Variants in TLK1 observed in about 807,000 individuals in gnomAD.
TLK1 encodes serine/threonine-protein kinase tousled-like 1.
In TLK1, 24 loss-of-function variants were observed where a neutral mutation model predicts 105.3. That is an observed-to-expected ratio of 0.23 (90% confidence interval 0.17 to 0.32). The LOEUF (loss-of-function observed/expected upper bound fraction) is 0.32, where lower values mean the gene tolerates loss of function less well. TLK1 is among the 10% of genes least tolerant of loss of function. The pLI is 1.00. For synonymous variants in TLK1, 321 were observed against 310.4 expected, an observed-to-expected ratio of 1.03 and a Z score of -0.36; for missense variants, 558 against 910.5, an observed-to-expected ratio of 0.61 and a Z score of 4.98.
intron 11 of TLK1, among the ~76,000 whole-genome samples, chr2:171,028,726 T>G (rs1467698287): frequency 6.6e-6 from 1 of 152,234 alleles, no homozygotes; most frequent in Non-Finnish European, 1.5e-5. Flanking sequence ...TATCAAGTGA[T>G]GTTCTAGAAT....
intron 1 of TLK1, among the ~76,000 whole-genome samples, chr2:171,220,204 G>C (rs1285989839): frequency 6.6e-6 from 1 of 152,102 alleles, no homozygotes; most frequent in Non-Finnish European, 1.5e-5. Flanking sequence ...AACATTTACA[G>C]GTTCTGGGAA....
chr2:171,015,545 G>A (rs1210584061), intron 12 of TLK1, among the ~76,000 whole-genome samples: 1 of 151,076 alleles, frequency 6.6e-6, no homozygotes, highest in Non-Finnish European at 1.5e-5. Context: ...AGGTATCAGA[G>A]CAGATGTAAA....
chr2:171,134,583 T>C (rs907430649), intron 1 of TLK1, among the ~76,000 whole-genome samples: 2 of 152,114 alleles, frequency 1.3e-5, no homozygotes, highest in East Asian at 1.9e-4. Context: ...GAAATCATTA[T>C]GTTAAGGAGA....
intron 1 of TLK1, among the ~76,000 whole-genome samples, chr2:171,230,346 G>A (rs556095425): frequency 1.3e-5 from 2 of 152,260 alleles, no homozygotes; most frequent in Non-Finnish European, 2.9e-5. Flanking sequence ...CATCCCTGCT[G>A]TCCCCAAAGA....
chr2:171,116,860 A>T (rs1381700120), intron 2 of TLK1, among the ~76,000 whole-genome samples: 3 of 152,220 alleles, frequency 2.0e-5, no homozygotes, highest in African/African-American at 7.2e-5. Context: ...GATTAGTACA[A>T]CTGTTCTGAA....
chr2:171,144,682 A>G (rs1691720875), intron 1 of TLK1, among the ~76,000 whole-genome samples: 1 of 152,192 alleles, frequency 6.6e-6, no homozygotes, highest in Non-Finnish European at 1.5e-5. Context: ...TTAGAGGGAA[A>G]TTTACAGCTA....
chr2:171,076,426 G>A (rs1328906770), intron 3 of TLK1, among the ~76,000 whole-genome samples: 2 of 151,856 alleles, frequency 1.3e-5, no homozygotes, highest in African/African-American at 2.4e-5. Flanking sequence ...CCATGCTCTT[G>A]GACTTCCTAG....
chr2:171,037,313 T>C (rs1394456119), intron 11 of TLK1, among the ~76,000 whole-genome samples: 2 of 151,740 alleles, frequency 1.3e-5, no homozygotes, highest in African/African-American at 4.8e-5. Flanking sequence ...TAGTGGCGCA[T>C]GGCTGTAGTC....
chr2:171,083,974 A>G (rs1291452667), intron 2 of TLK1, among the ~76,000 whole-genome samples: 1 of 152,200 alleles, frequency 6.6e-6, no homozygotes, highest in East Asian at 1.9e-4. Flanking sequence ...GTGTTTGAGC[A>G]TCTGTAAATA....
At chr2:171,069,741 C>T (rs1374248017) in intron 3 of TLK1, among the ~76,000 whole-genome samples, 1 of 152,160 alleles carries the variant, frequency 6.6e-6, no homozygotes, top group African/African-American at 2.4e-5. Context: ...TTACCAGAGG[C>T]TATATGACAT....
At chr2:171,067,076 A>G in intron 3 of TLK1, 1 of 1,176,450 alleles carries the variant, frequency 8.5e-7, no homozygotes, top group South Asian at 1.8e-5. Context: ...TCCTTTGAAC[A>G]CGAATCCCTA....
chr2:171,039,083 T>C (rs1481973233), intron 11 of TLK1, among the ~76,000 whole-genome samples: 2 of 152,170 alleles, frequency 1.3e-5, no homozygotes, highest in African/African-American at 4.8e-5. Flanking sequence ...TAATAATTTT[T>C]TTTGTCTTAA....
At chr2:171,006,744 G>A in intron 16 of TLK1, 56 bp downstream of exon 16, 9 of 1,591,392 alleles carry the variant, frequency 5.7e-6, no homozygotes, top group Non-Finnish European at 7.8e-6. Flanking sequence ...CACAGGATGG[G>A]GAAAGAGAAA....
intron 3 of TLK1, among the ~76,000 whole-genome samples, chr2:171,064,394 T>TA (rs1259599128): frequency 2.6e-5 from 4 of 151,964 alleles, no homozygotes; most frequent in African/African-American, 7.3e-5. Flanking sequence ...CGACAGCTTT[T>TA]AAAAAAAACT....
chr2:171,081,604 T>C (rs1031364405), intron 3 of TLK1: 21 of 1,276,566 alleles, frequency 1.6e-5, no homozygotes, highest in Non-Finnish European at 2.2e-5. Context: ...AAAACTAAAC[T>C]GATAATCTGA....
chr2:171,047,922 G>A (rs189696982), intron 10 of TLK1, among the ~76,000 whole-genome samples: 29 of 152,234 alleles, frequency 1.9e-4, no homozygotes, highest in African/African-American at 6.3e-4. Context: ...ATTAGTGAAA[G>A]TCAGGACATA....
chr2:171,165,801 C>T (rs111644410), upstream of TLK1, among the ~76,000 whole-genome samples: 971 of 151,962 alleles, frequency 6.4e-3, 5 homozygotes, highest in Non-Finnish European at 0.011. Context: ...ATCCCAGCTA[C>T]TCAGGAGGCT....
At chr2:171,056,642 AT>A (rs1687516109) in intron 5 of TLK1, 76 bp from the exon 6 acceptor site, 12 of 1,157,208 alleles carry the variant, frequency 1.0e-5, no homozygotes, top group Non-Finnish European at 1.5e-5. Context: ...GACATTAAGA[AT>A]TAATCTAAAT....
At chr2:171,006,718 G>GAT (rs764892756) in intron 16 of TLK1, 75 bp from the exon 17 acceptor site, 9 of 1,592,272 alleles carry the variant, frequency 5.7e-6, no homozygotes, top group Non-Finnish European at 7.7e-6. Flanking sequence ...GAAATGGAGA[G>GAT]TATTTATATC....
Sources: allele counts gnomAD v4.1 joint callset (sites outside exome capture counted in the v4.1 genomes callset), GRCh38; gene constraint gnomAD v4.1.1; transcripts MANE v1.5; gene names NCBI Gene and HGNC (gene_info 2026-07-23, HGNC 2026-07-21).